CYP4X1: variants seen among roughly 807,000 people sequenced by gnomAD.
CYP4X1 encodes the protein cytochrome P450 4X1.
In CYP4X1, 44 loss-of-function variants were observed where a neutral mutation model predicts 57.9. The observed-to-expected ratio is 0.76, with a 90% CI of 0.60 to 0.98. The LOEUF (loss-of-function observed/expected upper bound fraction) is 0.98, where lower values mean the gene tolerates loss of function less well. CYP4X1 is among the 50% of genes least tolerant of loss of function. CYP4X1 has a pLI of 0.00. For synonymous variants in CYP4X1, 227 were observed against 228.6 expected (o/e 0.99, Z 0.06); for missense variants, 532 against 623.9 (o/e 0.85, Z 1.57).
the CYP4X1 span, among the ~76,000 whole-genome samples, chr1:47,001,369 T>C: frequency 6.6e-6 from 1 of 152,240 alleles, no homozygotes; most frequent in Admixed American, 6.5e-5. Context: ...AATGGTTTGT[T>C]CACTCTTCCA....
the CYP4X1 span, among the ~76,000 whole-genome samples, chr1:46,983,828 T>C: frequency 4.6e-5 from 7 of 152,056 alleles, 1 homozygote; most frequent in African/African-American, 1.7e-4. Flanking sequence ...CTGGTCCGAG[T>C]GCTGTGGTGG....
chr1:46,978,892 A>T, the CYP4X1 span, among the ~76,000 whole-genome samples: 1 of 152,220 alleles, frequency 6.6e-6, no homozygotes, highest in East Asian at 1.9e-4. Context: ...ACATAACGAA[A>T]TGAAGGCAGA....
chr1:47,030,594 T>C (rs1300225919), intron 2 of CYP4X1, among the ~76,000 whole-genome samples: 1 of 152,214 alleles, frequency 6.6e-6, no homozygotes, highest in Admixed American at 6.5e-5. Flanking sequence ...TTAGCTTTCC[T>C]CTCCACATAT....
chr1:46,979,865 A>C, the CYP4X1 span, among the ~76,000 whole-genome samples: 1 of 152,202 alleles, frequency 6.6e-6, no homozygotes, highest in African/African-American at 2.4e-5. Context: ...AAACAGAACC[A>C]ATGACAAAAA....
At chr1:47,039,823 G>T (rs1644226287) in intron 8 of CYP4X1, 1 of 193,484 alleles carries the variant, frequency 5.2e-6, no homozygotes, top group Non-Finnish European at 1.0e-5. Flanking sequence ...CATTGGAAAT[G>T]AGGACTTGAT....
At chr1:47,036,941 G>A (rs1245527451) in intron 6 of CYP4X1, among the ~76,000 whole-genome samples, 1 of 152,152 alleles carries the variant, frequency 6.6e-6, no homozygotes, top group Non-Finnish European at 1.5e-5. Context: ...ACCAACATAT[G>A]CACACTTACA....
chr1:47,007,713 C>T, the CYP4X1 span, among the ~76,000 whole-genome samples: 36 of 152,204 alleles, frequency 2.4e-4, no homozygotes, highest in African/African-American at 8.2e-4. Flanking sequence ...TAGAATAACC[C>T]AATGCAGGGA....
At chr1:46,961,906 C>G in the CYP4X1 span, 2 of 632,016 alleles carry the variant, frequency 3.2e-6, no homozygotes, top group Non-Finnish European at 4.6e-6. Context: ...TTTGGGGAGT[C>G]AGAGAAGGGG....
In CYP4X1 at chr1:47,023,920, C is replaced by A; in HGVS notation, c.103C>A (p.Arg35=). 6.2e-7 allele frequency: 1 copy of A among 1,613,662 alleles called. No individual in the cohort carries two copies. Among genetic ancestry groups the A allele is most frequent in the Non-Finnish European group, 8.5e-7 (1 of 1,179,996 alleles). Residue 35 remains arginine (R), a synonymous_variant, in exon 1 of 12, where the codon CGG becomes AGG. Coordinates refer to ENST00000371901, the MANE Select transcript of CYP4X1 (RefSeq NM_178033.2). ...GCTGCAGGCCATTAAGCTGTACCTGCGGAGGCAGCGGCTGCTGCGGGACCT... is the reference window on the plus strand; with the variant it reads ...GCTGCAGGCCATTAAGCTGTACCTGAGGAGGCAGCGGCTGCTGCGGGACCT... The part of the protein sequence containing the change: ...GLLQAIKLYL[R]RQRLLRDLRP...
At chr1:47,000,586 GGCA>G in the CYP4X1 span, among the ~76,000 whole-genome samples, 1 of 152,150 alleles carries the variant, frequency 6.6e-6, no homozygotes, top group East Asian at 1.9e-4. Context: ...TTATTATAGT[GGCA>G]ATAAGAAACC....
At chr1:46,997,554 G>T in the CYP4X1 span, among the ~76,000 whole-genome samples, 6 of 152,260 alleles carry the variant, frequency 3.9e-5, no homozygotes, top group East Asian at 9.7e-4. Context: ...TGAAGAACAT[G>T]ATTTCATTCT....
chr1:47,016,204 C>T, the CYP4X1 span, among the ~76,000 whole-genome samples: 1 of 151,320 alleles, frequency 6.6e-6, no homozygotes, highest in Admixed American at 6.6e-5. Context: ...AGCTCAAAGA[C>T]GGGCTCCAGG....
chr1:46,971,533 C>T, the CYP4X1 span, among the ~76,000 whole-genome samples: 1 of 152,148 alleles, frequency 6.6e-6, no homozygotes, highest in African/African-American at 2.4e-5. Flanking sequence ...ATGTACATTC[C>T]CACCAGCACC....
the CYP4X1 span, among the ~76,000 whole-genome samples, chr1:46,979,958 G>T: frequency 6.6e-6 from 1 of 152,088 alleles, no homozygotes; most frequent in Admixed American, 6.6e-5. Flanking sequence ...CAATAAATTA[G>T]GTATTGATGG....
the CYP4X1 span, among the ~76,000 whole-genome samples, chr1:46,980,155 T>C: frequency 1.3e-5 from 2 of 151,950 alleles, no homozygotes; most frequent in Non-Finnish European, 2.9e-5. Context: ...AAAAAGAAAG[T>C]GTATTCAGTT....
intron 4 of CYP4X1, among the ~76,000 whole-genome samples, chr1:47,035,507 G>A (rs1644170918): frequency 6.6e-6 from 1 of 152,180 alleles, no homozygotes. Context: ...TGCTTTAATG[G>A]AACTCTGGTC....
At chr1:46,976,778 G>A in the CYP4X1 span, among the ~76,000 whole-genome samples, 2 of 152,160 alleles carry the variant, frequency 1.3e-5, no homozygotes, top group Non-Finnish European at 2.9e-5. Flanking sequence ...AATATTTGCT[G>A]TTCTGCAATA....
the CYP4X1 span, among the ~76,000 whole-genome samples, chr1:47,010,954 A>G: frequency 5.9e-5 from 9 of 152,370 alleles, no homozygotes; most frequent in African/African-American, 1.7e-4. Context: ...GGTAGGAAGA[A>G]TCAATATCGT....
intron 8 of CYP4X1, among the ~76,000 whole-genome samples, chr1:47,046,005 C>T (rs894890811): frequency 3.9e-5 from 6 of 152,190 alleles, no homozygotes; most frequent in Admixed American, 3.9e-4. Flanking sequence ...GAGCACAAGT[C>T]AGATCATCTA....
Sources: allele counts gnomAD v4.1 joint callset (sites outside exome capture counted in the v4.1 genomes callset), GRCh38; gene constraint gnomAD v4.1.1; transcripts MANE v1.5; gene names NCBI Gene and HGNC (gene_info 2026-07-23, HGNC 2026-07-21).